The following SMAP2 variants were observed in gnomAD, a reference collection of about 807,000 sequenced individuals.
The protein encoded by SMAP2 is small ArfGAP2, also known as stromal membrane-associated protein 2.
A neutral mutation model predicts 56.4 loss-of-function variants in SMAP2; 25 were observed. The observed-to-expected ratio is 0.44, with a 90% CI of 0.32 to 0.62. The LOEUF (loss-of-function observed/expected upper bound fraction) is 0.62. Among genes scored for constraint, SMAP2 ranks in the 20% least tolerant of loss-of-function variants. The pLI is 0.04. For synonymous variants in SMAP2, 157 were observed against 181.7 expected (o/e 0.86, Z 1.09); for missense variants, 388 against 545.6 (o/e 0.71, Z 2.88).
In SMAP2 at chr1:40,386,482, G is replaced by A. The variant is rs59017351; in HGVS notation, c.103+12259G>A. On this transcript the variant is annotated intron_variant, in intron 1 of 9. Transcript: ENST00000372718. The surrounding 1 kb of genome is among the most constrained non-coding windows in gnomAD (Gnocchi z 4.1). ...AAACATTGGAATCAGGAAGACTCCG[G>A]CTTGGCTCCCTGAGCATTCTAACTT... is the stretch of plus-strand genomic sequence containing the variant. Among the ~76,000 whole-genome samples, 3 of 152,324 alleles carry A rather than the reference G, an allele frequency of 2.0e-5. No homozygotes were observed. In the East Asian group the frequency reaches 5.8e-4, roughly 29 times the overall value.
intron 1 of SMAP2, among the ~76,000 whole-genome samples, chr1:40,354,872 C>CTCCCGGGT (rs1644427251): frequency 6.8e-6 from 1 of 147,516 alleles, no homozygotes; most frequent in African/African-American, 2.5e-5. Flanking sequence ...CAACCTCCAC[C>CTCCCGGGT]TCCCGGGTTC....
intron 1 of SMAP2, among the ~76,000 whole-genome samples, chr1:40,384,645 C>T (rs1362300524): frequency 1.3e-5 from 2 of 152,200 alleles, no homozygotes; most frequent in Non-Finnish European, 2.9e-5. Flanking sequence ...TTACTTCCCA[C>T]AGAGGCCACA....
chr1:40,379,200 G>A, intron 1 of SMAP2, among the ~76,000 whole-genome samples: 1 of 152,030 alleles, frequency 6.6e-6, no homozygotes, highest in East Asian at 1.9e-4. Context: ...TCGAACTCCT[G>A]GCCTCGGGTG....
chr1:40,360,934 A>G (rs569289562), intron 1 of SMAP2, among the ~76,000 whole-genome samples: 182 of 152,338 alleles, frequency 1.2e-3, no homozygotes, highest in African/African-American at 4.3e-3. Flanking sequence ...GAGGACTGCA[A>G]TTCTGGGGAC....
Position 40,395,072 on chromosome 1 carries a change from CAGG to C in SMAP2, c.104-11661_104-11659del, listed in dbSNP as rs1644757074. Reference sequence around the variant, plus strand: ...TAATGAGAATTAAAGACCCAGATCACAGGAGAATTTAAGCCATACTTAGAAGTT... The same window carrying C: ...TAATGAGAATTAAAGACCCAGATCACAGAATTTAAGCCATACTTAGAAGTT... On this transcript the variant is annotated intron_variant, in intron 1 of 9. Coordinates refer to ENST00000372718, the MANE Select transcript of SMAP2 (RefSeq NM_022733.3). Among the ~76,000 whole-genome samples, 5 of 152,264 alleles carry C rather than the reference CAGG, an allele frequency of 3.3e-5. No homozygotes were observed. The South Asian group carries it at 1.0e-3, about 32-fold the overall frequency.
intron 3 of SMAP2, among the ~76,000 whole-genome samples, chr1:40,409,002 C>T (rs1644911051): frequency 6.6e-6 from 1 of 152,232 alleles, no homozygotes; most frequent in African/African-American, 2.4e-5. Flanking sequence ...TATAAAGTTA[C>T]ATCTCCACTA....
intron 1 of SMAP2, among the ~76,000 whole-genome samples, chr1:40,353,461 C>T (rs536911679): frequency 1.3e-5 from 2 of 152,154 alleles, no homozygotes; most frequent in Non-Finnish European, 2.9e-5. Flanking sequence ...CTCCGCCTCC[C>T]GGGTTCAAGT....
rs1376784809 is a variant in SMAP2, at chr1:40,384,862, A to T, written c.103+10639A>T. 2.6e-5 allele frequency among the ~76,000 whole-genome samples: 4 copies of T among 152,156 alleles called. No individual in the cohort carries two copies. The South Asian group carries it at 8.3e-4, about 32-fold the overall frequency. On this transcript the variant is annotated intron_variant, in intron 1 of 9. Coordinates refer to ENST00000372718, the MANE Select transcript of SMAP2 (RefSeq NM_022733.3). ...AGTTCTTTTCAGCTGGTCCATTTCAACTTAAGAGGTCCATCTATGCATTTT... is the reference window on the plus strand; with the variant it reads ...AGTTCTTTTCAGCTGGTCCATTTCATCTTAAGAGGTCCATCTATGCATTTT...
intron 1 of SMAP2, among the ~76,000 whole-genome samples, chr1:40,380,979 T>A (rs1644592837): frequency 1.3e-5 from 2 of 152,222 alleles, no homozygotes; most frequent in Admixed American, 6.5e-5. Context: ...CTGACAGTCA[T>A]GGTTAGATTG....
At chr1:40,381,033 T>C (rs2221056) in intron 1 of SMAP2, among the ~76,000 whole-genome samples, 7,623 of 152,314 alleles carry the variant, frequency 0.05, 228 homozygotes, top group Middle Eastern at 0.12. Flanking sequence ...CATTAGATTG[T>C]CTTTTAATGT....
At chr1:40,371,945 T>C (rs1644498710), upstream of SMAP2, among the ~76,000 whole-genome samples, 1 of 152,128 alleles carries the variant, frequency 6.6e-6, no homozygotes, top group South Asian at 2.1e-4. Flanking sequence ...GTCACACAGA[T>C]AATAGGTGGT....
rs71060369 is a variant in SMAP2, at chr1:40,345,966, C to CTTTTT, written c.-83+1080_-83+1084dup. 8.5e-5 allele frequency among the ~76,000 whole-genome samples: 3 copies of CTTTTT among 35,296 alleles called. 1 individual carries two copies. Among genetic ancestry groups the CTTTTT allele is most frequent in the Non-Finnish European group, 2.2e-4 (3 of 13,336 alleles). 23.2% of individuals were successfully genotyped at this position (35,296 alleles called of 152,430 possible). On this transcript the variant is annotated intron_variant, in intron 1 of 6. Coordinates refer to the SMAP2 transcript ENST00000435168. ...GTCTTCAGACCTGGTATTTCTATCA[C>CTTTTT]TTTTTTTTTTTTTTTTTTTTTTTTT... is the stretch of plus-strand genomic sequence containing the variant.
In SMAP2 at chr1:40,396,799, T is replaced by C. The variant is rs563055340; in HGVS notation, c.104-9937T>C. 30 of 980,916 alleles carry C rather than the reference T, an allele frequency of 3.1e-5. No individual in the cohort carries two copies. In the African/African-American group the frequency reaches 4.7e-4, roughly 15 times the overall value. The allele number at this position is 980,916 out of a possible 1,614,324, so 60.8% of individuals were successfully genotyped here. ...AGGTAAACATACCTCTCAGCAGCCC[T>C]ACACAATTTTTCCAAGATCCCACTG... On this transcript the variant is annotated intron_variant, in intron 1 of 9. Coordinates refer to ENST00000372718, the MANE Select transcript of SMAP2 (RefSeq NM_022733.3).
chr1:40,371,629 T>G (rs1394641755), upstream of SMAP2, among the ~76,000 whole-genome samples: 1 of 152,128 alleles, frequency 6.6e-6, no homozygotes, highest in Non-Finnish European at 1.5e-5. Flanking sequence ...AAGCAACAAA[T>G]AAATGCTTCA....
rs375439299 is a variant in SMAP2 at position 40,351,833 on chromosome 1, T to C, written c.-83+6923T>C. The stretch of plus-strand genomic sequence containing the variant: ...AATTTTTTTTAATAGAGACATGGCT[T>C]TACCATGTTGGCCAGGCTGGTCTCG... On this transcript the variant is annotated intron_variant, in intron 1 of 6. Transcript: ENST00000435168. 1.4e-3 allele frequency among the ~76,000 whole-genome samples: 211 copies of C among 152,042 alleles called. 6 individuals are homozygous for C. In the South Asian group the frequency reaches 0.041, roughly 30 times the overall value.
chr1:40,345,898 A>G (rs1312899664), intron 1 of SMAP2, among the ~76,000 whole-genome samples: 63 of 136,204 alleles, frequency 4.6e-4, no homozygotes, highest in Middle Eastern at 7.5e-3. Context: ...GTATTATATT[A>G]TATTATATTA....
chr1:40,398,341 C>CA lies in SMAP2; in HGVS notation c.104-8395_104-8394insA, dbSNP rs556370302. The stretch of plus-strand genomic sequence containing the variant: ...AATCCTTGGGCTCAAGCAGTACTCC[C>CA]GCTCAGCCTCCCAAGTAGCTAGGAC... On this transcript the variant is annotated intron_variant, in intron 1 of 9. Coordinates refer to ENST00000372718, the MANE Select transcript of SMAP2 (RefSeq NM_022733.3). Among the ~76,000 whole-genome samples, 121 of 25,602 alleles carry CA rather than the reference C, an allele frequency of 4.7e-3. 2 individuals are homozygous for CA. In the South Asian group the frequency reaches 0.14, roughly 29 times the overall value. 16.8% of individuals were successfully genotyped at this position (25,602 alleles called of 152,430 possible). A position where few individuals can be genotyped will look rare whatever the true frequency, so the allele number is the denominator to read the frequency against.
intron 3 of SMAP2, among the ~76,000 whole-genome samples, chr1:40,409,519 C>G (rs1644915443): frequency 6.6e-6 from 1 of 152,248 alleles, no homozygotes; most frequent in South Asian, 2.1e-4. Context: ...GTTAATTCCA[C>G]TTGCTGCTAT....
intron 1 of SMAP2, among the ~76,000 whole-genome samples, chr1:40,376,490 T>C (rs1211119882): frequency 1.6e-4 from 25 of 152,188 alleles, no homozygotes; most frequent in Admixed American, 1.6e-3. Flanking sequence ...CTTTAGATTA[T>C]GACAAATAGG....
Sources: gnomAD v4.1 joint callset for allele counts (sites outside exome capture counted in the v4.1 genomes callset) on GRCh38, gnomAD v4.1.1 for gene constraint, Gnocchi (gnomAD v3.1) non-coding constraint, MANE v1.5 for transcripts, NCBI Gene and HGNC (gene_info 2026-07-23, HGNC 2026-07-21) for gene names.